TRIM16: variants seen among roughly 807,000 people sequenced by gnomAD.
TRIM16 encodes tripartite motif-containing protein 16.
Under a neutral mutation model 50.4 loss-of-function variants are expected in TRIM16, and 33 were observed. The ratio of observed to expected loss-of-function variants is 0.65; its 90% CI spans 0.50 to 0.88. The LOEUF is 0.88. Among genes scored for constraint, TRIM16 ranks in the 40% least tolerant of loss-of-function variants. The pLI is 0.00. For missense variants in TRIM16, 581 were observed against 686.8 expected, an observed-to-expected ratio of 0.85 and a Z score of 1.72; for synonymous variants, 229 against 270.7, an observed-to-expected ratio of 0.85 and a Z score of 1.51.
In TRIM16 at chr17:15,651,869, G is replaced by T; in HGVS notation, c.-260C>A. 1 of 1,408,280 alleles carries T rather than the reference G, an allele frequency of 7.1e-7. No homozygotes were observed. Among genetic ancestry groups the T allele is most frequent in the Non-Finnish European group, 9.2e-7 (1 of 1,083,620 alleles). 87.2% of individuals were successfully genotyped at this position (1,408,280 alleles called of 1,614,324 possible). On this transcript the variant is annotated 5_prime_UTR_variant, in exon 7 of 12. The change creates a new upstream start codon in the 5' untranslated region. Transcript: ENST00000649191. ...GGCTCAGGCTGCCTCCCCAGGTCCA[G>T]CCCTGAAACTTCTATTCTTATGTGA...
At chr17:15,645,817 G>A (rs1987345171) in intron 7 of TRIM16, among the ~76,000 whole-genome samples, 1 of 152,196 alleles carries the variant, frequency 6.6e-6, no homozygotes, top group Non-Finnish European at 1.5e-5. Flanking sequence ...GAGCTGAGGG[G>A]GCCCCAGTGA....
At chr17:15,683,535 G>A (rs1214897668) in intron 1 of TRIM16, 1 of 167,126 alleles carries the variant, frequency 6.0e-6, no homozygotes, top group African/African-American at 2.4e-5. Context: ...ATTCTTGGGT[G>A]TTTCCTTCTT....
At chr17:15,656,869 C>T (rs544613523) in intron 6 of TRIM16, among the ~76,000 whole-genome samples, 31 of 152,218 alleles carry the variant, frequency 2.0e-4, no homozygotes, top group African/African-American at 7.2e-4. Context: ...CCTCCCACCT[C>T]AGCCCTCAGC....
rs1986198804 is a variant in TRIM16 at position 15,628,132 on chromosome 17, G to C, written c.*483C>G. 6.5e-6 allele frequency: 1 copy of C among 153,896 alleles called. No individual in the cohort carries two copies. The highest frequency in any genetic ancestry group is 2.4e-5 in the African/African-American group (1 of 41,416). The allele number at this position is 153,896 out of a possible 1,614,324, so 9.5% of individuals were successfully genotyped here. A position where few individuals can be genotyped will look rare whatever the true frequency, so the allele number is the denominator to read the frequency against. On this transcript the variant is annotated 3_prime_UTR_variant, in exon 12 of 12. Coordinates refer to ENST00000649191, the MANE Select transcript of TRIM16 (RefSeq NM_001348119.1). Reference sequence around the variant, plus strand: ...GCCTAAAAATTACTACAAACAGGCAGGGCGCAGTGGCTCACGCATGTAATC... The same window carrying C: ...GCCTAAAAATTACTACAAACAGGCACGGCGCAGTGGCTCACGCATGTAATC...
chr17:15,682,634 G>C lies in TRIM16; in HGVS notation c.-679+220C>G, dbSNP rs540619432. 9.8e-5 allele frequency among the ~76,000 whole-genome samples: 15 copies of C among 152,340 alleles called. No homozygotes were observed. The East Asian group carries it at 2.9e-3, about 29-fold the overall frequency. On this transcript the variant is annotated intron_variant, in intron 3 of 11. Coordinates refer to ENST00000649191, the MANE Select transcript of TRIM16 (RefSeq NM_001348119.1). The stretch of plus-strand genomic sequence containing the variant: ...GCCCTGAGCTCATAGAGGTTCAAGG[G>C]ACTAGGGCTCTCCCATGTGCTATAA...
intron 4 of TRIM16, among the ~76,000 whole-genome samples, chr17:15,680,593 C>T (rs1989145449): frequency 1.3e-5 from 2 of 152,214 alleles, no homozygotes; most frequent in Admixed American, 6.5e-5. Flanking sequence ...TTTCTCTACA[C>T]TGCCAACTGA....
chr17:15,667,217 T>C lies in TRIM16; in HGVS notation c.-338+9959A>G, dbSNP rs564990442. Among the ~76,000 whole-genome samples the C allele has an allele frequency of 7.9e-3, 1,208 of 152,236 alleles. 13 individuals carry two copies. Among genetic ancestry groups the C allele is most frequent in the Non-Finnish European group, 0.014 (929 of 68,008 alleles). On this transcript the variant is annotated intron_variant, in intron 6 of 11. Coordinates refer to ENST00000649191, the MANE Select transcript of TRIM16 (RefSeq NM_001348119.1). ...AGTATTCTTTGCTATTTTCACCATA[T>C]TGTCATTTGCGCAATGATGCAGGAG...
At chr17:15,634,759 C>T (rs186276289) in intron 9 of TRIM16, among the ~76,000 whole-genome samples, 8,632 of 145,670 alleles carry the variant, frequency 0.059, 1,375 homozygotes, top group African/African-American at 0.21. Flanking sequence ...TGCAGTGAGC[C>T]GAGATCGTGC....
At chr17:15,661,251 G>A (rs1988225498) in intron 6 of TRIM16, among the ~76,000 whole-genome samples, 1 of 152,214 alleles carries the variant, frequency 6.6e-6, no homozygotes, top group South Asian at 2.1e-4. Flanking sequence ...GAAAATGAAA[G>A]TGAACACATC....
rs750070077 is a variant in TRIM16, at chr17:15,651,531, A to G, written c.79T>C (p.Ser27Pro). The G allele has an allele frequency of 2.5e-6, 4 of 1,613,736 alleles. No homozygotes were observed. The Admixed American group carries it at 6.7e-5, about 27-fold the overall frequency. The change falls in exon 7 of 12, where the codon TCT (serine) becomes CCT (proline). Residue 27 changes from serine to proline, a missense_variant. Transcript: ENST00000649191. ...AQPPAPLSPD[S>P]GSPSPDSGSA... ...CCAGAATCTGGGCTGGGTGACCCAG[A>G]GTCTGGGCTGAGAGGGGCTGGGGGC...
chr17:15,630,045 G>A (rs1986335610), intron 11 of TRIM16, among the ~76,000 whole-genome samples: 1 of 152,180 alleles, frequency 6.6e-6, no homozygotes, highest in Non-Finnish European at 1.5e-5. Context: ...TTGCTCTTAT[G>A]ATAAAGCAGC....
intron 7 of TRIM16, among the ~76,000 whole-genome samples, chr17:15,645,647 T>C (rs1330765415): frequency 6.6e-6 from 1 of 152,168 alleles, no homozygotes; most frequent in East Asian, 1.9e-4. Flanking sequence ...TATGCCCTAA[T>C]AGAACTCAGA....
At chr17:15,653,985 T>C (rs7207954) in intron 6 of TRIM16, among the ~76,000 whole-genome samples, 2,784 of 152,140 alleles carry the variant, frequency 0.018, 72 homozygotes, top group African/African-American at 0.063. Context: ...GGAAGGCGAA[T>C]GGAAGAGAGA....
intron 6 of TRIM16, among the ~76,000 whole-genome samples, chr17:15,659,724 T>C (rs749664491): frequency 6.6e-6 from 1 of 152,234 alleles, no homozygotes; most frequent in Non-Finnish European, 1.5e-5. Context: ...AGGAGATGGT[T>C]TCCCAGGCCG....
At chr17:15,681,578 T>C (rs901855316) in intron 3 of TRIM16, among the ~76,000 whole-genome samples, 2 of 152,242 alleles carry the variant, frequency 1.3e-5, no homozygotes, top group African/African-American at 4.8e-5. Context: ...AATTAATGAA[T>C]GAGCCCTAAA....
intron 6 of TRIM16, among the ~76,000 whole-genome samples, chr17:15,676,188 C>T (rs1473828625): frequency 6.6e-6 from 1 of 152,172 alleles, no homozygotes; most frequent in East Asian, 1.9e-4. Context: ...TAGCAGCATT[C>T]CTGGACTCCA....
chr17:15,659,040 G>C (rs1988100343), intron 6 of TRIM16, among the ~76,000 whole-genome samples: 1 of 152,226 alleles, frequency 6.6e-6, no homozygotes, highest in Non-Finnish European at 1.5e-5. Context: ...AAGAAGGAGG[G>C]GCTGTCCCAG....
intron 6 of TRIM16, 116 bp downstream of exon 6, chr17:15,677,060 T>C (rs189280): frequency 0.22 from 95,116 of 434,580 alleles, 10,983 homozygotes; most frequent in African/African-American, 0.29. Flanking sequence ...GATTCTGATG[T>C]GGTCAAGTGA....
Position 15,683,106 on chromosome 17 carries a change from C to T in TRIM16, c.-847G>A, listed in dbSNP as rs1989248779. ...TTGCTTCACTATTTGGGTGTAGCAACCTTTCCGTTCTCCACGTATCTTCCT... is the reference window on the plus strand; with the variant it reads ...TTGCTTCACTATTTGGGTGTAGCAATCTTTCCGTTCTCCACGTATCTTCCT... On this transcript the variant is annotated 5_prime_UTR_variant, in exon 2 of 12. Coordinates refer to ENST00000649191, the MANE Select transcript of TRIM16 (RefSeq NM_001348119.1). 1 of 1,550,442 alleles carries T rather than the reference C, an allele frequency of 6.4e-7. No homozygotes were observed. Among genetic ancestry groups the T allele is most frequent in the African/African-American group, 1.4e-5 (1 of 73,052 alleles).
Sources: allele counts gnomAD v4.1 joint callset (sites outside exome capture counted in the v4.1 genomes callset), GRCh38; gene constraint gnomAD v4.1.1; transcripts MANE v1.5; gene names NCBI Gene and HGNC (gene_info 2026-07-23, HGNC 2026-07-21).